The following CEP350 variants were observed in gnomAD, a reference collection of about 807,000 sequenced individuals.
The protein encoded by CEP350 is centrosome-associated protein 350.
A neutral mutation model predicts 331.8 loss-of-function variants in CEP350; 126 were observed. The ratio of observed to expected loss-of-function variants is 0.38; its 90% CI spans 0.33 to 0.44. The LOEUF is 0.44. Ranked by LOEUF, CEP350 falls within the 20% of genes least tolerant of loss-of-function variation. The pLI, the probability that CEP350 is intolerant of heterozygous loss-of-function variation, is 1.00. For missense variants in CEP350, 3,406 were observed against 3,634.6 expected (o/e 0.94, Z 1.62); for synonymous variants, 1,200 against 1,259.5 (o/e 0.95, Z 1.00).
intron 1 of CEP350, among the ~76,000 whole-genome samples, chr1:179,963,652 GT>G: frequency 1.3e-5 from 2 of 152,000 alleles, no homozygotes; most frequent in South Asian, 4.2e-4. Context: ...GGTTATAGGT[GT>G]ATGGCTTTAT....
Position 180,032,558 on chromosome 1 carries a change from A to G in CEP350, c.3725+1064A>G, listed in dbSNP as rs535881739. Among the ~76,000 whole-genome samples, 5 of 151,998 alleles carry G rather than the reference A, an allele frequency of 3.3e-5. No homozygotes were observed. The East Asian group carries it at 7.7e-4, about 23-fold the overall frequency. On this transcript the variant is annotated intron_variant, in intron 15 of 37. Transcript: ENST00000367607. ...AATCTAGATTTCCCCTTCCCTACCC[A>G]TGGAGATTCACAGAGATAAAATAAT...
At position 180,075,276 on chromosome 1, in the gene CEP350, GAT is replaced by G; in HGVS notation, c.5767+60_5767+61del. 3 of 1,472,834 alleles carry G rather than the reference GAT, an allele frequency of 2.0e-6. No homozygotes were observed. In the South Asian group the frequency reaches 3.9e-5, roughly 19 times the overall value. The allele number at this position is 1,472,834 out of a possible 1,614,324, so 91.2% of individuals were successfully genotyped here. A position where few individuals can be genotyped will look rare whatever the true frequency, so the allele number is the denominator to read the frequency against. On this transcript the variant is annotated intron_variant, in intron 28 of 37. Coordinates refer to ENST00000367607, the MANE Select transcript of CEP350 (RefSeq NM_014810.5). ...AAACTAAAGCCTAACATAATTGAAA[GAT>G]ATATTTCATTACTTTTAAAAATGCG...
intron 6 of CEP350, among the ~76,000 whole-genome samples, chr1:180,002,002 AG>A (rs1653894858): frequency 6.6e-6 from 1 of 152,250 alleles, no homozygotes; most frequent in Non-Finnish European, 1.5e-5. Flanking sequence ...CTCTTTTAAA[AG>A]CTTATAAAAG....
At chr1:179,957,632 A>G (rs886076363) in intron 1 of CEP350, among the ~76,000 whole-genome samples, 8 of 152,350 alleles carry the variant, frequency 5.3e-5, no homozygotes, top group African/African-American at 1.9e-4. Flanking sequence ...AATGCAAAAC[A>G]AAACAAAAGA....
In CEP350 at chr1:180,041,693, A is replaced by G. The variant is rs780197910; in HGVS notation, c.4253A>G (p.Gln1418Arg). 5.6e-6 allele frequency: 9 copies of G among 1,613,688 alleles called. No individual in the cohort carries two copies. The East Asian group carries it at 1.6e-4, about 28-fold the overall frequency. Residue 1418 changes from glutamine to arginine, a missense_variant, in exon 19 of 38, where the codon CAA becomes CGA. Gln to Arg is a conservative substitution (Grantham distance 43). Around this residue, in one of 5 missense-constraint regions of CEP350, gnomAD observed 1,857 missense variants for 1,909.2 expected, o/e 0.97. Transcript: ENST00000367607. ...VHAESLQQVV[Q>R]SQREVTEVLQ... ...GCAGAATCATTACAGCAGGTGGTTC[A>G]ATCACAACGGGAAGTAACTGAAGTC...
At chr1:180,095,338 G>C (rs1660422941) in intron 34 of CEP350, 185 bp from the exon 35 acceptor site, 6 of 623,062 alleles carry the variant, frequency 9.6e-6, no homozygotes, top group Non-Finnish European at 1.5e-5. Context: ...TATATAAGTA[G>C]AATTGAGGGA....
At chr1:179,996,049 C>G (rs1177406808) in intron 5 of CEP350, among the ~76,000 whole-genome samples, 2 of 152,130 alleles carry the variant, frequency 1.3e-5, no homozygotes, top group Non-Finnish European at 2.9e-5. Flanking sequence ...GATTATCATC[C>G]TGTTTTCTGG....
At chr1:180,067,704 C>G (rs1031075415) in intron 27 of CEP350, among the ~76,000 whole-genome samples, 2 of 152,086 alleles carry the variant, frequency 1.3e-5, no homozygotes, top group African/African-American at 4.8e-5. Flanking sequence ...AAAAAGAAAT[C>G]TGAGGATGAA....
At chr1:179,959,610 T>C (rs2148524765) in intron 1 of CEP350, among the ~76,000 whole-genome samples, 1 of 151,176 alleles carries the variant, frequency 6.6e-6, no homozygotes, top group Admixed American at 6.6e-5. Context: ...AAAAACTAGC[T>C]GGGCATGGTG....
intron 27 of CEP350, among the ~76,000 whole-genome samples, chr1:180,072,192 C>A (rs1468690311): frequency 6.6e-6 from 1 of 152,074 alleles, no homozygotes; most frequent in African/African-American, 2.4e-5. Flanking sequence ...TTAAACTTTT[C>A]TTACTCTGTT....
Position 180,084,906 on chromosome 1 carries a change from AT to A in CEP350, c.6285+738del, listed in dbSNP as rs556473110. ...AATAAATATTAAAATAAAGTATTAG[AT>A]TTTTTTTTTCTAAATAAGAAAGATT... On this transcript the variant is annotated intron_variant, in intron 31 of 37. Coordinates refer to ENST00000367607, the MANE Select transcript of CEP350 (RefSeq NM_014810.5). Among the ~76,000 whole-genome samples the A allele has an allele frequency of 2.1e-4, 31 of 150,488 alleles. No homozygotes were observed. The South Asian group carries it at 3.4e-3, about 16-fold the overall frequency.
At position 180,113,989 on chromosome 1, in the gene CEP350, A is replaced by G. The variant is rs1661568185; in HGVS notation, c.*2828A>G. ...GTATAGATTCCCTCTTCAGGTCTAC[A>G]CAGGAATTTTTACCATAGGGAAAAG... On this transcript the variant is annotated 3_prime_UTR_variant, in exon 38 of 38. Transcript: ENST00000367607. 1 of 152,646 alleles carries G rather than the reference A, an allele frequency of 6.6e-6. No individual in the cohort carries two copies. The highest frequency in any genetic ancestry group is 1.5e-5 in the Non-Finnish European group (1 of 68,042). 9.5% of individuals were successfully genotyped at this position (152,646 alleles called of 1,614,324 possible). A position where few individuals can be genotyped will look rare whatever the true frequency, so the allele number is the denominator to read the frequency against.
chr1:179,998,300 T>TAATG (rs1316589623), intron 6 of CEP350, among the ~76,000 whole-genome samples: 1 of 140,370 alleles, frequency 7.1e-6, no homozygotes, highest in Admixed American at 7.0e-5. Flanking sequence ...TTTCTTCTAT[T>TAATG]TTCTTTTTTT....
chr1:180,083,952 G>T, intron 30 of CEP350, 66 bp from the exon 31 acceptor site: 1 of 731,638 alleles, frequency 1.4e-6, no homozygotes, highest in Non-Finnish European at 2.1e-6. Context: ...CTTTTTATTA[G>T]TAGTTACTGA....
chr1:179,968,302 G>A (rs1250140643), intron 1 of CEP350, among the ~76,000 whole-genome samples: 3 of 148,164 alleles, frequency 2.0e-5, no homozygotes, highest in East Asian at 2.0e-4. Context: ...CTGCACTCCC[G>A]CCTGGATGAC....
At chr1:180,072,644 T>C (rs1358747496) in intron 27 of CEP350, among the ~76,000 whole-genome samples, 2 of 152,128 alleles carry the variant, frequency 1.3e-5, no homozygotes. Flanking sequence ...ATATGTGTGT[T>C]TTTGCGTGTG....
intron 9 of CEP350, among the ~76,000 whole-genome samples, chr1:180,012,294 A>T (rs1654711824): frequency 6.6e-6 from 1 of 152,204 alleles, no homozygotes. Flanking sequence ...TGTTGTGTTA[A>T]TTACATTTAG....
intron 29 of CEP350, 83 bp downstream of exon 29, chr1:180,078,757 A>G (rs982287124): frequency 8.6e-7 from 1 of 1,162,480 alleles, no homozygotes; most frequent in African/African-American, 1.6e-5. Flanking sequence ...ATTGTAATTA[A>G]TGACAGTGTT....
chr1:180,003,062 C>T, intron 6 of CEP350, 112 bp from the exon 7 acceptor site: 1 of 676,640 alleles, frequency 1.5e-6, no homozygotes, highest in Non-Finnish European at 2.5e-6. Flanking sequence ...AATTGTAACA[C>T]TAAAAGAGTG....
Sources: allele counts gnomAD v4.1 joint callset (sites outside exome capture counted in the v4.1 genomes callset), GRCh38; gene constraint gnomAD v4.1.1; regional missense constraint gnomAD v4.1.1; transcripts MANE v1.5; gene names NCBI Gene and HGNC (gene_info 2026-07-23, HGNC 2026-07-21).